ARHGAP28: variants seen among roughly 807,000 people sequenced by gnomAD.
The protein encoded by ARHGAP28 is Rho GTPase activating protein 28, also known as rho GTPase-activating protein 28.
In ARHGAP28, 56 loss-of-function variants were observed where a neutral mutation model predicts 90.7. The ratio of observed to expected loss-of-function variants is 0.62; its 90% CI spans 0.50 to 0.77. ARHGAP28 has a LOEUF of 0.77. ARHGAP28 is among the 30% of genes least tolerant of loss of function. The probability of loss-of-function intolerance (pLI) is 0.00; values close to 1 mark genes in which losing one functional copy is unlikely to be tolerated. For missense variants in ARHGAP28, 869 were observed against 900.9 expected (o/e 0.96, Z 0.45); for synonymous variants, 308 against 323.3 (o/e 0.95, Z 0.51).
rs181728769 is a variant in ARHGAP28, at chr18:6,864,053, T to C, written c.727-4097T>C. 3.8e-3 allele frequency among the ~76,000 whole-genome samples: 572 copies of C among 151,902 alleles called. 1 individual carries two copies. The highest frequency in any genetic ancestry group is 0.013 in the African/African-American group (530 of 41,444). On this transcript the variant is annotated intron_variant, in intron 5 of 17. Coordinates refer to ENST00000383472, the MANE Select transcript of ARHGAP28 (RefSeq NM_001366230.1). ...GAGCCACCACGCCTGGCTTGTTTAT[T>C]TTTATTTTTATTTTATTTTATTTTA...
chr18:6,823,424 T>C (rs1329061785), intron 1 of ARHGAP28, among the ~76,000 whole-genome samples: 1 of 152,100 alleles, frequency 6.6e-6, no homozygotes, highest in Non-Finnish European at 1.5e-5. Flanking sequence ...TGTCCATTCA[T>C]CTGCTGATAG....
At chr18:6,845,576 C>G (rs1337009869) in intron 3 of ARHGAP28, among the ~76,000 whole-genome samples, 1 of 152,112 alleles carries the variant, frequency 6.6e-6, no homozygotes, top group Admixed American at 6.5e-5. Flanking sequence ...CTCTCCCTCC[C>G]CCGATCCTGG....
chr18:6,782,590 G>GTTTTT (rs1567945690), intron 1 of ARHGAP28, among the ~76,000 whole-genome samples: 39 of 20,934 alleles, frequency 1.9e-3, no homozygotes, highest in Non-Finnish European at 3.8e-3. Flanking sequence ...GCTAATTTTT[G>GTTTTT]TATTTTTTTT....
intron 2 of ARHGAP28, among the ~76,000 whole-genome samples, chr18:6,828,221 C>G (rs373877749): frequency 3.9e-5 from 6 of 152,192 alleles, no homozygotes; most frequent in South Asian, 2.1e-4. Context: ...CGTGGCGGCA[C>G]GCGCCTGCAA....
intron 1 of ARHGAP28, among the ~76,000 whole-genome samples, chr18:6,752,900 G>A (rs2056081051): frequency 6.6e-6 from 1 of 151,462 alleles, no homozygotes; most frequent in Non-Finnish European, 1.5e-5. Flanking sequence ...TGCTTTATAT[G>A]TTCATAAGCA....
At position 6,782,592 on chromosome 18, in the gene ARHGAP28, A is replaced by ATTTT. The variant is rs10602816; in HGVS notation, c.123-42136_123-42133dup. 3.0e-3 allele frequency among the ~76,000 whole-genome samples: 80 copies of ATTTT among 26,692 alleles called. 28 individuals are homozygous for ATTTT. Among genetic ancestry groups the ATTTT allele is most frequent in the Admixed American group, 0.013 (18 of 1,434 alleles). 17.5% of individuals were successfully genotyped at this position (26,692 alleles called of 152,430 possible). ...GCCATCACGCCCAGCTAATTTTTGT[A>ATTTT]TTTTTTTTTTTTTTTTTTTTTTTTT... On this transcript the variant is annotated intron_variant, in intron 1 of 17. Transcript: ENST00000383472.
At chr18:6,907,394 G>GAAAA (rs201812761) in intron 16 of ARHGAP28, among the ~76,000 whole-genome samples, 1 of 136,844 alleles carries the variant, frequency 7.3e-6, no homozygotes, top group Non-Finnish European at 1.6e-5. Flanking sequence ...TCAAAAACTG[G>GAAAA]AAAAAAAAAA....
At chr18:6,875,442 G>A (rs2057123589) in intron 9 of ARHGAP28, among the ~76,000 whole-genome samples, 2 of 152,154 alleles carry the variant, frequency 1.3e-5, no homozygotes, top group Non-Finnish European at 2.9e-5. Flanking sequence ...TTCTTACTGG[G>A]TGAACTTGGC....
chr18:6,908,972 A>G lies in ARHGAP28; in HGVS notation c.2043A>G (p.Ser681=), dbSNP rs1370318252. ...KFQYENSHGS[S]ECIKIQNQRL... is the part of the protein sequence containing the mutation. ...TCATTTTTTTCAGTCATGGTTCATC[A>G]GAATGTATTAAGATTCAGAACCAAA... The change falls in exon 17 of 18, where the codon TCA becomes TCG. Residue 681 remains serine (S), a synonymous_variant. Coordinates refer to ENST00000383472, the MANE Select transcript of ARHGAP28 (RefSeq NM_001366230.1). 3.9e-6 allele frequency: 6 copies of G among 1,542,602 alleles called. No individual in the cohort carries two copies. Among genetic ancestry groups the G allele is most frequent in the Non-Finnish European group, 5.4e-6 (6 of 1,119,458 alleles).
intron 1 of ARHGAP28, among the ~76,000 whole-genome samples, chr18:6,773,474 A>G (rs1261317005): frequency 8.5e-5 from 13 of 152,220 alleles, no homozygotes; most frequent in Non-Finnish European, 1.6e-4. Context: ...TGCAGTTCTC[A>G]TAATAGCTTT....
At position 6,894,832 on chromosome 18, in the gene ARHGAP28, T is replaced by C; in HGVS notation, c.1849-3T>C. On this transcript the variant is annotated splice_polypyrimidine_tract_variant and splice_region_variant and intron_variant, in intron 14 of 17. Coordinates refer to ENST00000383472, the MANE Select transcript of ARHGAP28 (RefSeq NM_001366230.1). ...TTACTCCTAAAGACTGTGTTTCTTT[T>C]AGACTGCAAGCCCCAAGACTTCAAA... 6.2e-7 allele frequency: 1 copy of C among 1,613,970 alleles called. No individual in the cohort carries two copies. The highest frequency in any genetic ancestry group is 8.5e-7 in the Non-Finnish European group (1 of 1,179,886).
intron 4 of ARHGAP28, among the ~76,000 whole-genome samples, chr18:6,859,590 A>G (rs962929507): frequency 2.2e-4 from 34 of 152,200 alleles, no homozygotes; most frequent in Non-Finnish European, 4.4e-4. Flanking sequence ...TGGCAGGCAC[A>G]TCAGTGTCTG....
chr18:6,894,179 T>A (rs929021945), intron 14 of ARHGAP28, among the ~76,000 whole-genome samples: 6 of 152,146 alleles, frequency 3.9e-5, no homozygotes, highest in Non-Finnish European at 1.5e-5. Flanking sequence ...TATATTGTGT[T>A]TTTATTTTTT....
chr18:6,759,322 G>C lies in ARHGAP28; in HGVS notation c.122+29379G>C, dbSNP rs566025351. Among the ~76,000 whole-genome samples, 603 of 152,264 alleles carry C rather than the reference G, an allele frequency of 4.0e-3. 5 individuals carry two copies. The highest frequency in any genetic ancestry group is 0.014 in the African/African-American group (574 of 41,572). On this transcript the variant is annotated intron_variant, in intron 1 of 17. Coordinates refer to ENST00000383472, the MANE Select transcript of ARHGAP28 (RefSeq NM_001366230.1). ...AAAGGCAAGCCTAGAAATGAATAAG[G>C]AAATTCTGCTTTTCACTTAGAACAT...
At chr18:6,740,065 G>T (rs1256855932) in intron 1 of ARHGAP28, among the ~76,000 whole-genome samples, 1 of 152,056 alleles carries the variant, frequency 6.6e-6, no homozygotes, top group Admixed American at 6.6e-5. Context: ...TGTTGATCAG[G>T]CTGGTCTGGA....
chr18:6,860,635 T>G (rs1255939466), intron 5 of ARHGAP28, among the ~76,000 whole-genome samples: 1 of 152,154 alleles, frequency 6.6e-6, no homozygotes, highest in African/African-American at 2.4e-5. Context: ...CTGGGGCAGT[T>G]TTTCCTCAAC....
chr18:6,910,834 TTTTGTTTTGTTTGC>T (rs1377429629), intron 17 of ARHGAP28, among the ~76,000 whole-genome samples: 2 of 9,198 alleles, frequency 2.2e-4, no homozygotes, highest in South Asian at 1.7e-3. Flanking sequence ...TGTTTTTTTG[TTTTGTTTTGTTTGC>T]TTTGTTTTTT....
intron 10 of ARHGAP28, among the ~76,000 whole-genome samples, chr18:6,881,566 A>C (rs1310672525): frequency 6.6e-6 from 1 of 152,218 alleles, no homozygotes; most frequent in Non-Finnish European, 1.5e-5. Context: ...AGGATTGGGC[A>C]AGCATGCAAA....
chr18:6,775,243 G>T (rs2056274477), intron 1 of ARHGAP28, among the ~76,000 whole-genome samples: 1 of 152,142 alleles, frequency 6.6e-6, no homozygotes, highest in Admixed American at 6.5e-5. Context: ...CTGTTTATTT[G>T]AATTTCCTTT....
Sources: allele counts gnomAD v4.1 joint callset (sites outside exome capture counted in the v4.1 genomes callset), GRCh38; gene constraint gnomAD v4.1.1; transcripts MANE v1.5; gene names NCBI Gene and HGNC (gene_info 2026-07-23, HGNC 2026-07-21).